TMCO5A: variants seen among roughly 807,000 people sequenced by gnomAD.
TMCO5A encodes the protein transmembrane and coiled-coil domain-containing protein 5A.
A neutral mutation model predicts 42.3 loss-of-function variants in TMCO5A; 34 were observed. The observed-to-expected ratio is 0.80, with a 90% CI of 0.61 to 1.07. TMCO5A has a LOEUF of 1.07. Ranked by LOEUF, TMCO5A falls within the 50% of genes least tolerant of loss-of-function variation. TMCO5A has a pLI of 0.00. For synonymous variants in TMCO5A, 131 were observed against 115.6 expected (o/e 1.13, Z -0.86); for missense variants, 357 against 327.9 (o/e 1.09, Z -0.69).
chr15:37,961,627 A>C (rs562712972), intron 11 of TMCO5A, among the ~76,000 whole-genome samples: 1 of 152,212 alleles, frequency 6.6e-6, no homozygotes, highest in Non-Finnish European at 1.5e-5. Context: ...TGCTTTTGGC[A>C]GTATGTCATT....
the TMCO5A span, among the ~76,000 whole-genome samples, chr15:37,987,802 C>A: frequency 1.3e-5 from 2 of 151,786 alleles, no homozygotes; most frequent in African/African-American, 4.8e-5. Context: ...GAAGTATAAG[C>A]CTCCCATCTT....
the TMCO5A span, among the ~76,000 whole-genome samples, chr15:37,972,744 G>A: frequency 3.3e-5 from 5 of 152,120 alleles, no homozygotes; most frequent in South Asian, 8.3e-4. Context: ...TTACTCTGTT[G>A]ATAATTTCTT....
intron 11 of TMCO5A, among the ~76,000 whole-genome samples, chr15:37,962,100 C>T (rs1457715083): frequency 6.6e-6 from 1 of 152,084 alleles, no homozygotes; most frequent in Non-Finnish European, 1.5e-5. Flanking sequence ...TGAGAGTGGG[C>T]ATCCTTCTCT....
chr15:37,985,292 T>C, the TMCO5A span, among the ~76,000 whole-genome samples: 1 of 152,122 alleles, frequency 6.6e-6, no homozygotes. Context: ...AATTGTGAGG[T>C]TGTAGGGTAG....
intron 9 of TMCO5A, 152 bp from the exon 10 acceptor site, chr15:37,943,189 C>T: frequency 1.7e-6 from 1 of 593,774 alleles, no homozygotes; most frequent in South Asian, 3.1e-5. Context: ...ATTAATTTAA[C>T]TTTAATTAAT....
downstream of TMCO5A, among the ~76,000 whole-genome samples, chr15:37,969,536 C>CT (rs1368564476): frequency 1.3e-5 from 2 of 152,122 alleles, no homozygotes; most frequent in African/African-American, 4.8e-5. Flanking sequence ...TAAAGTTCTG[C>CT]TTTTTGTGTA....
At chr15:37,947,858 C>G (rs1203696786) in intron 11 of TMCO5A, among the ~76,000 whole-genome samples, 162 bp downstream of exon 11, 1 of 152,024 alleles carries the variant, frequency 6.6e-6, no homozygotes, top group Non-Finnish European at 1.5e-5. Context: ...CTGTATTTCT[C>G]AATTCTAATG....
At chr15:37,985,531 T>G in the TMCO5A span, among the ~76,000 whole-genome samples, 1 of 152,330 alleles carries the variant, frequency 6.6e-6, no homozygotes, top group African/African-American at 2.4e-5. Context: ...ATGTTGTACT[T>G]AACTATGCTA....
chr15:37,956,273 C>T (rs543427047), downstream of TMCO5A, among the ~76,000 whole-genome samples: 69 of 151,928 alleles, frequency 4.5e-4, no homozygotes, highest in East Asian at 7.4e-3. Flanking sequence ...GATAGAGACA[C>T]AAAAAACCCT....
the TMCO5A span, among the ~76,000 whole-genome samples, chr15:38,025,741 C>T: frequency 6.6e-6 from 1 of 152,116 alleles, no homozygotes; most frequent in African/African-American, 2.4e-5. Context: ...TTCCACATGT[C>T]CCCATCCCAA....
the TMCO5A span, among the ~76,000 whole-genome samples, chr15:37,976,365 A>T: frequency 6.6e-6 from 1 of 151,888 alleles, no homozygotes; most frequent in Admixed American, 6.6e-5. Context: ...AGACTTGGAA[A>T]TCTGATTATT....
intron 11 of TMCO5A, among the ~76,000 whole-genome samples, chr15:37,950,694 C>T (rs891857799): frequency 1.3e-5 from 2 of 152,042 alleles, no homozygotes; most frequent in African/African-American, 4.8e-5. Context: ...GGATATGGGT[C>T]CACAGAAACT....
At chr15:37,935,018 T>A (rs1157212230) in intron 1 of TMCO5A, among the ~76,000 whole-genome samples, 1 of 152,140 alleles carries the variant, frequency 6.6e-6, no homozygotes, top group Admixed American at 6.6e-5. Flanking sequence ...TATCTATTAA[T>A]AGGACGTATA....
chr15:37,978,553 C>A, the TMCO5A span, among the ~76,000 whole-genome samples: 1 of 152,098 alleles, frequency 6.6e-6, no homozygotes, highest in African/African-American at 2.4e-5. Context: ...GCAATGTGAC[C>A]AGGCCCTTTG....
the TMCO5A span, among the ~76,000 whole-genome samples, chr15:37,984,286 T>C: frequency 6.6e-6 from 1 of 151,948 alleles, no homozygotes; most frequent in African/African-American, 2.4e-5. Context: ...CTCTTCATAA[T>C]AATATAAGGA....
At chr15:37,969,293 A>G (rs984084662), downstream of TMCO5A, among the ~76,000 whole-genome samples, 2 of 152,234 alleles carry the variant, frequency 1.3e-5, no homozygotes, top group Non-Finnish European at 2.9e-5. Context: ...GAAGTACCAA[A>G]TACAAGTATC....
At chr15:37,979,375 G>C in the TMCO5A span, among the ~76,000 whole-genome samples, 1 of 152,088 alleles carries the variant, frequency 6.6e-6, no homozygotes, top group Non-Finnish European at 1.5e-5. Flanking sequence ...GCAGTGCAGG[G>C]CTGCCAATGC....
the TMCO5A span, among the ~76,000 whole-genome samples, chr15:37,991,478 T>C: frequency 2.0e-5 from 3 of 152,172 alleles, no homozygotes; most frequent in Non-Finnish European, 4.4e-5. Flanking sequence ...GATAAATGTT[T>C]ACATTTATGT....
At chr15:37,970,991 A>G (rs1246130557), downstream of TMCO5A, among the ~76,000 whole-genome samples, 1 of 152,154 alleles carries the variant, frequency 6.6e-6, no homozygotes, top group East Asian at 1.9e-4. Flanking sequence ...TGGATCTACC[A>G]TTCTGGGATC....
Sources: allele counts gnomAD v4.1 joint callset (sites outside exome capture counted in the v4.1 genomes callset), GRCh38; gene constraint gnomAD v4.1.1; transcripts MANE v1.5; gene names NCBI Gene and HGNC (gene_info 2026-07-23, HGNC 2026-07-21).